The following CLMP variants were observed in gnomAD, a reference collection of about 807,000 sequenced individuals.
CLMP encodes CXADR like cell adhesion molecule, also known as CXADR-like membrane protein.
In CLMP, 27 loss-of-function variants were observed where a neutral mutation model predicts 45.2. That is an observed-to-expected ratio of 0.60 (90% CI 0.44 to 0.82). CLMP has a LOEUF of 0.82. Ranked by LOEUF, CLMP falls within the 40% of genes least tolerant of loss-of-function variation. The probability of loss-of-function intolerance (pLI) is 0.00; values close to 1 mark genes in which losing one functional copy is unlikely to be tolerated. For synonymous variants in CLMP, 167 were observed against 171.4 expected, an observed-to-expected ratio of 0.97 and a Z score of 0.20; for missense variants, 403 against 448.4, an observed-to-expected ratio of 0.90 and a Z score of 0.91.
At chr11:123,124,356 T>G (rs566380738) in intron 1 of CLMP, among the ~76,000 whole-genome samples, 33 of 152,246 alleles carry the variant, frequency 2.2e-4, no homozygotes, top group African/African-American at 7.7e-4. Flanking sequence ...TCTTTGAGAT[T>G]AATCCAGAGG....
chr11:123,129,820 A>C (rs1449823428), intron 1 of CLMP, among the ~76,000 whole-genome samples: 2 of 151,250 alleles, frequency 1.3e-5, no homozygotes, highest in Non-Finnish European at 2.9e-5. Context: ...CAAAGTTGGG[A>C]CTGGAACCCA....
At chr11:123,140,364 G>C (rs1415674330) in intron 1 of CLMP, among the ~76,000 whole-genome samples, 2 of 152,284 alleles carry the variant, frequency 1.3e-5, no homozygotes, top group East Asian at 3.9e-4. Flanking sequence ...ATTAGATCTT[G>C]TTTCATGCAG....
intron 1 of CLMP, among the ~76,000 whole-genome samples, chr11:123,150,177 G>A (rs1199230979): frequency 7.0e-6 from 1 of 143,836 alleles, no homozygotes; most frequent in Non-Finnish European, 1.5e-5. Context: ...GAAGTAGTTG[G>A]AAAAAAATGC....
intron 1 of CLMP, among the ~76,000 whole-genome samples, chr11:123,129,945 G>T (rs7931136): frequency 6.7e-6 from 1 of 149,860 alleles, no homozygotes; most frequent in African/African-American, 2.5e-5. Context: ...GGCTCCAGAC[G>T]TAAGAAACTA....
At position 123,120,340 on chromosome 11, in the gene CLMP, G is replaced by T. The variant is rs1004759072; in HGVS notation, c.29-22388C>A. Among the ~76,000 whole-genome samples the T allele has an allele frequency of 2.6e-5, 4 of 152,178 alleles. No homozygotes were observed. In the East Asian group the frequency reaches 5.8e-4, roughly 22 times the overall value. On this transcript the variant is annotated intron_variant, in intron 1 of 6. Coordinates refer to ENST00000448775, the MANE Select transcript of CLMP (RefSeq NM_024769.5). The stretch of plus-strand genomic sequence containing the variant: ...TTTTTCATACACCCATCTTTCAGAT[G>T]TTGGACCTCCTGGATTGATCCTCTA...
chr11:123,075,154 A>T (rs531119010), intron 5 of CLMP, among the ~76,000 whole-genome samples: 1 of 151,058 alleles, frequency 6.6e-6, no homozygotes, highest in Admixed American at 6.6e-5. Flanking sequence ...GGTATTCTCT[A>T]TGTTGGTCAG....
rs78286218 is a variant in CLMP, at chr11:123,177,453, C to T, written c.28+17460G>A. 2.4e-4 allele frequency among the ~76,000 whole-genome samples: 36 copies of T among 152,288 alleles called. No individual in the cohort carries two copies. In the East Asian group the frequency reaches 6.0e-3, roughly 25 times the overall value. On this transcript the variant is annotated intron_variant, in intron 1 of 6. Coordinates refer to ENST00000448775, the MANE Select transcript of CLMP (RefSeq NM_024769.5). ...GACCAACACGTTTGGGTTACATTTA[C>T]GTCATCTTTCAGCCCCAAGGACTTA...
At chr11:123,170,287 G>A (rs925583083) in intron 1 of CLMP, among the ~76,000 whole-genome samples, 2 of 152,152 alleles carry the variant, frequency 1.3e-5, no homozygotes, top group Non-Finnish European at 2.9e-5. Flanking sequence ...AAATCCCTCT[G>A]ATGAGACTTC....
intron 1 of CLMP, among the ~76,000 whole-genome samples, chr11:123,163,861 T>A (rs952237971): frequency 2.0e-5 from 3 of 152,088 alleles, no homozygotes; most frequent in Non-Finnish European, 4.4e-5. Flanking sequence ...GGAGCTAGAG[T>A]GTCTCTGCTT....
intron 1 of CLMP, among the ~76,000 whole-genome samples, chr11:123,103,740 A>G (rs959818627): frequency 4.9e-5 from 7 of 143,778 alleles, no homozygotes; most frequent in African/African-American, 1.8e-4. Flanking sequence ...TAAAGCTTTT[A>G]CATTTTTTTA....
intron 1 of CLMP, among the ~76,000 whole-genome samples, chr11:123,174,040 G>A (rs962572442): frequency 1.6e-4 from 24 of 152,034 alleles, no homozygotes; most frequent in African/African-American, 5.1e-4. Flanking sequence ...CTGTGATCTC[G>A]CTACTGCATT....
At chr11:123,172,914 G>A (rs759193358) in intron 1 of CLMP, among the ~76,000 whole-genome samples, 1 of 152,160 alleles carries the variant, frequency 6.6e-6, no homozygotes, top group Non-Finnish European at 1.5e-5. Context: ...TTTTAAAGAG[G>A]TTTGTGCTGT....
At chr11:123,160,854 T>A (rs551464790) in intron 1 of CLMP, among the ~76,000 whole-genome samples, 24 of 151,982 alleles carry the variant, frequency 1.6e-4, no homozygotes, top group African/African-American at 5.5e-4. Context: ...GGTGCATGCC[T>A]GTAATCCCAG....
intron 1 of CLMP, among the ~76,000 whole-genome samples, chr11:123,150,223 CA>C (rs1861294757): frequency 6.6e-6 from 1 of 150,540 alleles, no homozygotes; most frequent in Non-Finnish European, 1.5e-5. Flanking sequence ...CACACACACA[CA>C]CACACAGGGA....
intron 1 of CLMP, among the ~76,000 whole-genome samples, chr11:123,142,070 G>A (rs1010590405): frequency 1.5e-4 from 22 of 145,310 alleles, no homozygotes; most frequent in African/African-American, 5.1e-4. Flanking sequence ...CTGGACCCTC[G>A]ACCTCCCAGG....
chr11:123,150,773 G>C (rs1470215342), intron 1 of CLMP, among the ~76,000 whole-genome samples: 2 of 152,214 alleles, frequency 1.3e-5, no homozygotes, highest in Non-Finnish European at 2.9e-5. Flanking sequence ...GTGGAGTGCA[G>C]GGGCACGATC....
At chr11:123,152,733 A>G (rs1287825308) in intron 1 of CLMP, among the ~76,000 whole-genome samples, 1 of 151,950 alleles carries the variant, frequency 6.6e-6, no homozygotes, top group Non-Finnish European at 1.5e-5. Context: ...GAAAAAATAC[A>G]CCCCTCAAGG....
intron 1 of CLMP, among the ~76,000 whole-genome samples, chr11:123,154,948 G>A (rs1255076520): frequency 6.6e-6 from 1 of 152,182 alleles, no homozygotes; most frequent in African/African-American, 2.4e-5. Flanking sequence ...AAGAGCCTTG[G>A]TGGTTAAAAA....
At chr11:123,073,800 A>AAC in intron 6 of CLMP, 26 bp from the exon 7 acceptor site, 1 of 1,539,788 alleles carries the variant, frequency 6.5e-7, no homozygotes, top group Non-Finnish European at 8.7e-7. Context: ...AGCAAAGATT[A>AAC]ACACTGGCAG....
Sources: gnomAD v4.1 joint callset for allele counts (sites outside exome capture counted in the v4.1 genomes callset) on GRCh38, gnomAD v4.1.1 for gene constraint, MANE v1.5 for transcripts, NCBI Gene and HGNC (gene_info 2026-07-23, HGNC 2026-07-21) for gene names.